TBP: variants seen among roughly 807,000 people sequenced by gnomAD.
TBP encodes the protein TATA-box binding protein, also known as TATA-box-binding protein.
Under a neutral mutation model 46.2 loss-of-function variants are expected in TBP, and 12 were observed. The ratio of observed to expected loss-of-function variants is 0.26; its 90% CI spans 0.17 to 0.42. The LOEUF (loss-of-function observed/expected upper bound fraction) is 0.42, where lower values mean the gene tolerates loss of function less well. Ranked by LOEUF, TBP falls within the 10% of genes least tolerant of loss-of-function variation. The pLI, the probability that TBP is intolerant of heterozygous loss-of-function variation, is 1.00. For synonymous variants in TBP, 157 were observed against 148.3 expected, an observed-to-expected ratio of 1.06 and a Z score of -0.42; for missense variants, 229 against 403.1, an observed-to-expected ratio of 0.57 and a Z score of 3.70.
chr6:170,567,418 G>T (rs1583132053), intron 5 of TBP: 1 of 152,838 alleles, frequency 6.5e-6, no homozygotes, highest in East Asian at 1.9e-4. Flanking sequence ...CCGGGAGGTG[G>T]AGGTTGCAGT....
intron 1 of TBP, among the ~76,000 whole-genome samples, chr6:170,555,814 A>C (rs1258053656): frequency 1.3e-5 from 2 of 152,156 alleles, no homozygotes; most frequent in South Asian, 2.1e-4. Context: ...TGCTGTTATA[A>C]TACTATGTTT....
chr6:170,555,955 A>G (rs1335060529), intron 1 of TBP, among the ~76,000 whole-genome samples: 6 of 152,174 alleles, frequency 3.9e-5, no homozygotes, highest in Non-Finnish European at 4.4e-5. Context: ...AAAAAAGTAT[A>G]TTTTAAAAAA....
intron 3 of TBP, 60 bp downstream of exon 3, chr6:170,562,293 G>T: frequency 6.6e-7 from 1 of 1,524,774 alleles, no homozygotes; most frequent in East Asian, 2.3e-5. Flanking sequence ...TTATGTTCCT[G>T]CTCTGTTTTC....
chr6:170,567,482 C>G lies in TBP; in HGVS notation c.677+473C>G, dbSNP rs532109426. 3.9e-5 allele frequency: 6 copies of G among 152,126 alleles called. No homozygotes were observed. In the South Asian group the frequency reaches 1.2e-3, roughly 32 times the overall value. 9.4% of individuals were successfully genotyped at this position (152,126 alleles called of 1,614,324 possible). ...CATGGGAGACAGAACAAGACACTTT[C>G]TCCAGAAAAAAGAAAAAAATTAGGT... is the stretch of plus-strand genomic sequence containing the variant. On this transcript the variant is annotated intron_variant, in intron 5 of 7. Coordinates refer to ENST00000392092, the MANE Select transcript of TBP (RefSeq NM_003194.5).
intron 3 of TBP, among the ~76,000 whole-genome samples, chr6:170,563,484 T>C (rs10946281): frequency 0.12 from 17,590 of 152,252 alleles, 1,875 homozygotes; most frequent in African/African-American, 0.28. Flanking sequence ...AAAGTTGTGA[T>C]AGATATACTA....
Position 170,557,035 on chromosome 6 carries a change from T to G in TBP, c.6T>G (p.Asp2Glu), listed in dbSNP as rs751702127. The change falls in exon 2 of 8, where the codon GAT (aspartate) becomes GAG (glutamate). Residue 2 changes from aspartate to glutamate, a missense_variant. By Grantham distance (45) the Asp-to-Glu change is conservative. Transcript: ENST00000392092. ...CCAAGAAGAAAGTGAACATCATGGA[T>G]CAGAACAACAGCCTGCCACCTTACG... MDQNNSLPPYAQ... is the reference protein window; with the variant it reads MEQNNSLPPYAQ... The G allele has an allele frequency of 6.2e-7, 1 of 1,613,994 alleles. No individual in the cohort carries two copies. The highest frequency in any genetic ancestry group is 8.5e-7 in the Non-Finnish European group (1 of 1,179,954).
At position 170,568,118 on chromosome 6, in the gene TBP, G is replaced by A. The variant is rs143969868; in HGVS notation, c.677+1109G>A. 7.6e-4 allele frequency among the ~76,000 whole-genome samples: 116 copies of A among 152,294 alleles called. 1 individual carries two copies. The highest frequency in any genetic ancestry group is 2.4e-3 in the African/African-American group (100 of 41,576). On this transcript the variant is annotated intron_variant, in intron 5 of 7. Transcript: ENST00000392092. ...GTTTTTCAGAATGCAGGACAAGGAT[G>A]TGTTCTTGCCTTTCACTTCCCCTTG...
chr6:170,571,480 G>A lies in TBP; in HGVS notation c.916G>A (p.Val306Ile), dbSNP rs774673727. ...IKPRIVLLIF[V>I]SGKVVLTGAK... is the part of the protein sequence containing the mutation. ...ACCCAGAATTGTTCTCCTTATTTTT[G>A]TTTCTGGAAAAGTTGTATTAACAGG... Residue 306 changes from valine to isoleucine, a missense_variant, in exon 7 of 8, where the codon GTT becomes ATT. This residue lies in a region of TBP where 44 missense variants were observed against 54.1 expected (regional missense o/e 0.81). Coordinates refer to ENST00000392092, the MANE Select transcript of TBP (RefSeq NM_003194.5). 4 of 1,613,494 alleles carry A rather than the reference G, an allele frequency of 2.5e-6. No individual in the cohort carries two copies. The highest frequency in any genetic ancestry group is 3.4e-6 in the Non-Finnish European group (4 of 1,179,644).
chr6:170,566,833 T>G (rs1779259577), intron 4 of TBP, 85 bp from the exon 5 acceptor site: 3 of 1,114,606 alleles, frequency 2.7e-6, no homozygotes, highest in Non-Finnish European at 4.0e-6. Flanking sequence ...CTACCAGTTG[T>G]GATTTTTTTG....
chr6:170,567,439 C>G (rs1779284900), intron 5 of TBP: 1 of 152,740 alleles, frequency 6.5e-6, no homozygotes, highest in South Asian at 2.1e-4. Context: ...GAGCTGAGAT[C>G]ATGCTACTGT....
chr6:170,571,417 C>A lies in TBP; in HGVS notation c.853C>A (p.Pro285Thr). Residue 285 changes from proline to threonine, a missense_variant, in exon 7 of 8, where the codon CCA (proline) becomes ACA (threonine). By Grantham distance (38) the Pro-to-Thr change is conservative. Coordinates refer to ENST00000392092, the MANE Select transcript of TBP (RefSeq NM_003194.5). ...TTGCAATTTTCCTTCTAGTTATGAG[C>A]CAGAGTTATTTCCTGGTTTAATCTA... ...LTHQQFSSYE[P>T]ELFPGLIYRM... is the part of the protein sequence containing the mutation. The A allele has an allele frequency of 6.2e-7, 1 of 1,612,646 alleles. No individual in the cohort carries two copies. Among genetic ancestry groups the A allele is most frequent in the African/African-American group, 1.3e-5 (1 of 74,982 alleles).
chr6:170,557,130 G>A (rs1562357648), intron 2 of TBP, 47 bp downstream of exon 2: 4 of 1,541,100 alleles, frequency 2.6e-6, no homozygotes, highest in Non-Finnish European at 1.8e-6. Context: ...AATCTGAACT[G>A]CAAGAGATGG....
chr6:170,572,530 T>C lies in TBP; in HGVS notation c.*265T>C. 2.4e-6 allele frequency: 1 copy of C among 418,768 alleles called. No individual in the cohort carries two copies. Among genetic ancestry groups the C allele is most frequent in the South Asian group, 5.1e-5 (1 of 19,734 alleles). 25.9% of individuals were successfully genotyped at this position (418,768 alleles called of 1,614,324 possible). ...GGGCAGCGCTGCCCATTTATTTATATGTAGATTTTAAACACTGCTGTTGAC... is the reference window on the plus strand; with the variant it reads ...GGGCAGCGCTGCCCATTTATTTATACGTAGATTTTAAACACTGCTGTTGAC... On this transcript the variant is annotated 3_prime_UTR_variant, in exon 8 of 8. Transcript: ENST00000392092.
intron 1 of TBP, among the ~76,000 whole-genome samples, chr6:170,554,930 T>C (rs1778987416): frequency 6.6e-6 from 1 of 152,196 alleles, no homozygotes; most frequent in Admixed American, 6.6e-5. Context: ...TACACACCAC[T>C]TTATTTGCAG....
At chr6:170,565,155 CA>C (rs964165028) in intron 4 of TBP, among the ~76,000 whole-genome samples, 24 of 148,198 alleles carry the variant, frequency 1.6e-4, no homozygotes, top group Admixed American at 7.4e-4. Flanking sequence ...GACTCCGCCT[CA>C]AAAAAAAAAT....
chr6:170,555,243 A>T (rs894138035), intron 1 of TBP, among the ~76,000 whole-genome samples: 3 of 152,230 alleles, frequency 2.0e-5, no homozygotes, highest in African/African-American at 7.2e-5. Context: ...AATCATACTT[A>T]TAATGGCTTT....
At position 170,571,474 on chromosome 6, in the gene TBP, A is replaced by C; in HGVS notation, c.910A>C (p.Ile304Leu). Residue 304 changes from isoleucine (I) to leucine (L), a missense_variant, in exon 7 of 8, where the codon ATT (isoleucine) becomes CTT (leucine). Coordinates refer to ENST00000392092, the MANE Select transcript of TBP (RefSeq NM_003194.5). ...GATCAAACCCAGAATTGTTCTCCTT[A>C]TTTTTGTTTCTGGAAAAGTTGTATT... ...RMIKPRIVLL[I>L]FVSGKVVLTG... The C allele has an allele frequency of 6.2e-7, 1 of 1,613,798 alleles. No homozygotes were observed. The highest frequency in any genetic ancestry group is 8.5e-7 in the Non-Finnish European group (1 of 1,179,814).
chr6:170,568,782 T>C (rs1261283227), intron 5 of TBP, among the ~76,000 whole-genome samples: 1 of 149,314 alleles, frequency 6.7e-6, no homozygotes, highest in Non-Finnish European at 1.5e-5. Flanking sequence ...CTTTTATTTT[T>C]TCTTTTTTTC....
At chr6:170,564,350 G>A (rs1443218167) in intron 3 of TBP, among the ~76,000 whole-genome samples, 195 bp from the exon 4 acceptor site, 3 of 152,096 alleles carry the variant, frequency 2.0e-5, no homozygotes, top group South Asian at 2.1e-4. Context: ...ACCTCAGTGC[G>A]TTATATGTAT....
Sources: allele counts gnomAD v4.1 joint callset (sites outside exome capture counted in the v4.1 genomes callset), GRCh38; gene constraint gnomAD v4.1.1; regional missense constraint gnomAD v4.1.1; transcripts MANE v1.5; gene names NCBI Gene and HGNC (gene_info 2026-07-23, HGNC 2026-07-21).